GBP7: variants seen among roughly 807,000 people sequenced by gnomAD.
GBP7 encodes guanylate binding protein 7.
In GBP7, 43 loss-of-function variants were observed where a neutral mutation model predicts 61.3. The observed-to-expected ratio is 0.70, with a 90% CI of 0.55 to 0.91. GBP7 has a LOEUF of 0.91. Among genes scored for constraint, GBP7 ranks in the 40% least tolerant of loss-of-function variants. The pLI is 0.00. For missense variants in GBP7, 717 were observed against 740.5 expected, an observed-to-expected ratio of 0.97 and a Z score of 0.37; for synonymous variants, 267 against 271.0, an observed-to-expected ratio of 0.99 and a Z score of 0.14.
chr1:89,175,635 A>C (rs1477320242), intron 1 of GBP7, among the ~76,000 whole-genome samples: 1 of 152,232 alleles, frequency 6.6e-6, no homozygotes, highest in Non-Finnish European at 1.5e-5. Context: ...AGAGCCTATT[A>C]GGCAGATATT....
chr1:89,135,753 G>C (rs2100634794), intron 9 of GBP7, among the ~76,000 whole-genome samples: 1 of 152,088 alleles, frequency 6.6e-6, no homozygotes, highest in South Asian at 2.1e-4. Flanking sequence ...TTCAGTACAT[G>C]GATCATTGAC....
In GBP7 at chr1:89,140,147, T is replaced by C. The variant is rs144796129; in HGVS notation, c.1468+1399A>G. The stretch of plus-strand genomic sequence containing the variant: ...AAGAGTCATGTCCTTTATAGGGACA[T>C]GGATGAAACTGGAAACCATCATTCT... On this transcript the variant is annotated intron_variant, in intron 9 of 10. Coordinates refer to ENST00000294671, the MANE Select transcript of GBP7 (RefSeq NM_207398.3). 4.8e-3 allele frequency among the ~76,000 whole-genome samples: 735 copies of C among 151,860 alleles called. 1 individual carries two copies. The highest frequency in any genetic ancestry group is 7.3e-3 in the Non-Finnish European group (494 of 67,938).
intron 9 of GBP7, among the ~76,000 whole-genome samples, chr1:89,138,428 A>G (rs546061431): frequency 2.6e-5 from 4 of 152,296 alleles, no homozygotes; most frequent in South Asian, 2.1e-4. Flanking sequence ...TTACAAGACT[A>G]CAATAACCAA....
At chr1:89,136,371 C>T (rs938253804) in intron 9 of GBP7, among the ~76,000 whole-genome samples, 1 of 152,106 alleles carries the variant, frequency 6.6e-6, no homozygotes, top group East Asian at 1.9e-4. Flanking sequence ...TTCATCTCAT[C>T]TGCACATGGC....
At position 89,157,227 on chromosome 1, in the gene GBP7, C is replaced by T. The variant is rs986276331; in HGVS notation, c.319-4450G>A. On this transcript the variant is annotated intron_variant, in intron 3 of 10. Transcript: ENST00000294671. ...GAAGTGTGTAGAGGGAAATTTATAC[C>T]ACTAAATGCCCATAAGAAAAAGCAG... 2.0e-5 allele frequency among the ~76,000 whole-genome samples: 3 copies of T among 152,164 alleles called. No individual in the cohort carries two copies. In the East Asian group the frequency reaches 5.8e-4, roughly 29 times the overall value.
Position 89,152,359 on chromosome 1 carries a change from C to A in GBP7, c.534G>T (p.Trp178Cys), listed in dbSNP as rs147357899. The A allele has an allele frequency of 1.4e-5, 23 of 1,613,956 alleles. No individual in the cohort carries two copies. In the African/African-American group the frequency reaches 3.1e-4, roughly 22 times the overall value. ...GCTCCAGGGTAAAATCTCGAACAGT[C>A]CAAATAAAGTCTGGAAAGAAACTCA... The part of the protein sequence containing the change: ...EFVSFFPDFI[W>C]TVRDFTLELK... Residue 178 changes from tryptophan (W) to cysteine (C), a missense_variant, in exon 5 of 11, where the codon TGG becomes TGT. Physicochemically the swap from Trp to Cys is radical, Grantham distance 215 (BLOSUM62 -2). Around this residue, in one of 3 missense-constraint regions of GBP7, gnomAD observed 387 missense variants for 385.2 expected, o/e 1.00. Coordinates refer to ENST00000294671, the MANE Select transcript of GBP7 (RefSeq NM_207398.3).
rs749047868 is a variant in GBP7 at position 89,147,555 on chromosome 1, C to T, written c.1365+12G>A. On this transcript the variant is annotated intron_variant, in intron 8 of 10. Transcript: ENST00000294671. ...CCTCTGTCATCCATCCCCTTCTCCC[C>T]TTATTCCTCACCTTAACTCCTTTTC... 1.4e-5 allele frequency: 23 copies of T among 1,606,022 alleles called. No individual in the cohort carries two copies. The highest frequency in any genetic ancestry group is 1.2e-4 in the Admixed American group (7 of 59,992).
intron 6 of GBP7, 22 bp from the exon 7 acceptor site, chr1:89,149,594 G>A: frequency 6.3e-7 from 1 of 1,587,838 alleles, no homozygotes; most frequent in Non-Finnish European, 8.6e-7. Flanking sequence ...AGGAAATTTA[G>A]GGAATAGATA....
chr1:89,173,905 A>G lies in GBP7; in HGVS notation c.-19-1951T>C, dbSNP rs988677476. 2.6e-5 allele frequency among the ~76,000 whole-genome samples: 4 copies of G among 152,236 alleles called. No homozygotes were observed. In the South Asian group the frequency reaches 8.3e-4, roughly 32 times the overall value. On this transcript the variant is annotated intron_variant, in intron 1 of 10. Coordinates refer to ENST00000294671, the MANE Select transcript of GBP7 (RefSeq NM_207398.3). ...AGTGGTCTTCTATTCTTTCTACCAC[A>G]TTCCCACCCATCCTCCATAGATACC...
chr1:89,172,703 A>C (rs975149557), intron 1 of GBP7, among the ~76,000 whole-genome samples: 2 of 152,166 alleles, frequency 1.3e-5, no homozygotes, highest in Non-Finnish European at 2.9e-5. Flanking sequence ...CTTTGTCACT[A>C]AAAAGTTTCC....
intron 1 of GBP7, among the ~76,000 whole-genome samples, chr1:89,172,316 A>G (rs1570365148): frequency 6.6e-6 from 1 of 152,172 alleles, no homozygotes; most frequent in Non-Finnish European, 1.5e-5. Flanking sequence ...CCATTTTCCC[A>G]CTAATGTCCT....
chr1:89,150,975 G>C (rs1009547623), intron 5 of GBP7, among the ~76,000 whole-genome samples: 5 of 152,024 alleles, frequency 3.3e-5, no homozygotes, highest in South Asian at 2.1e-4. Context: ...ATGATGTTTC[G>C]ATATACATGT....
In GBP7 at chr1:89,166,873, A is replaced by G. The variant is rs868493050; in HGVS notation, c.191-2015T>C. Among the ~76,000 whole-genome samples the G allele has an allele frequency of 3.9e-5, 6 of 152,338 alleles. No homozygotes were observed. In the Middle Eastern group the frequency reaches 0.01, roughly 259 times the overall value. On this transcript the variant is annotated intron_variant, in intron 2 of 10. Transcript: ENST00000294671. ...CTTCTGTGAAGACTCTCTCTTGGCA[A>G]GAGCCAGCACACATATTAAGTCCTG...
intron 8 of GBP7, among the ~76,000 whole-genome samples, chr1:89,143,552 G>T (rs1207854239): frequency 6.6e-6 from 1 of 152,156 alleles, no homozygotes; most frequent in Middle Eastern, 3.4e-3. Flanking sequence ...TTAAGTTCGG[G>T]GTAATTTATA....
chr1:89,158,703 G>C (rs1039922889), intron 3 of GBP7, among the ~76,000 whole-genome samples: 1 of 152,068 alleles, frequency 6.6e-6, no homozygotes, highest in Non-Finnish European at 1.5e-5. Flanking sequence ...GCTCAATGAA[G>C]TAAAAGAGGA....
At chr1:89,154,640 C>T (rs1434217719) in intron 3 of GBP7, among the ~76,000 whole-genome samples, 2 of 151,190 alleles carry the variant, frequency 1.3e-5, no homozygotes, top group East Asian at 1.9e-4. Flanking sequence ...AGCGACCACA[C>T]CTGGCCTCTA....
chr1:89,149,496 T>A lies in GBP7; in HGVS notation c.948A>T (p.Ala316=). The A allele has an allele frequency of 6.2e-7, 1 of 1,614,170 alleles. No individual in the cohort carries two copies. The highest frequency in any genetic ancestry group is 2.2e-5 in the East Asian group (1 of 44,878). The change falls in exon 7 of 11, where the codon GCA becomes GCT. Residue 316 remains alanine, a synonymous_variant. Transcript: ENST00000294671. ...GATPCLENAM[A]VLAQCENSAA... is the part of the protein sequence containing the mutation. ...CTGAGTTCTCACACTGGGCCAGAACTGCCATTGCATTCTCCAGACAAGGAG... is the reference window on the plus strand; with the variant it reads ...CTGAGTTCTCACACTGGGCCAGAACAGCCATTGCATTCTCCAGACAAGGAG...
chr1:89,139,431 C>T (rs2100638043), intron 9 of GBP7, among the ~76,000 whole-genome samples: 1 of 152,212 alleles, frequency 6.6e-6, no homozygotes, highest in South Asian at 2.1e-4. Flanking sequence ...CAACAAAAGC[C>T]AAAATTGACA....
At chr1:89,149,806 C>T (rs1682152447) in intron 6 of GBP7, among the ~76,000 whole-genome samples, 1 of 151,658 alleles carries the variant, frequency 6.6e-6, no homozygotes, top group South Asian at 2.1e-4. Flanking sequence ...CAGCTCATCA[C>T]ATTACAAAGT....
Sources: allele counts gnomAD v4.1 joint callset (sites outside exome capture counted in the v4.1 genomes callset), GRCh38; gene constraint gnomAD v4.1.1; regional missense constraint gnomAD v4.1.1; transcripts MANE v1.5; gene names NCBI Gene and HGNC (gene_info 2026-07-23, HGNC 2026-07-21).